The following MDGA2 variants were observed in gnomAD, a reference collection of about 807,000 sequenced individuals.
MDGA2 encodes the protein MAM domain-containing glycosylphosphatidylinositol anchor protein 2.
In MDGA2, 40 loss-of-function variants were observed where a neutral mutation model predicts 117.8. The ratio of observed to expected loss-of-function variants is 0.34; its 90% CI spans 0.26 to 0.44. The LOEUF is 0.44. MDGA2 is among the 20% of genes least tolerant of loss of function. The probability of loss-of-function intolerance (pLI) is 1.00; values close to 1 mark genes in which losing one functional copy is unlikely to be tolerated. For missense variants in MDGA2, 1,123 were observed against 1,250.6 expected (o/e 0.90, Z 1.54); for synonymous variants, 452 against 439.0 (o/e 1.03, Z -0.37).
chr14:47,606,096 A>G (rs1896738593), intron 1 of MDGA2, among the ~76,000 whole-genome samples: 1 of 152,204 alleles, frequency 6.6e-6, no homozygotes, highest in South Asian at 2.1e-4. Context: ...ATTACCTTGC[A>G]TTTTAATTTG....
At chr14:47,110,601 G>C (rs17279312) in intron 5 of MDGA2, among the ~76,000 whole-genome samples, 18,675 of 152,100 alleles carry the variant, frequency 0.12, 1,233 homozygotes, top group Non-Finnish European at 0.15. Context: ...TTATGACTCT[G>C]TAACTTTATT....
At chr14:47,374,792 G>T (rs896783387) in intron 1 of MDGA2, among the ~76,000 whole-genome samples, 1 of 151,976 alleles carries the variant, frequency 6.6e-6, no homozygotes, top group African/African-American at 2.4e-5. Flanking sequence ...TTCCAATCTA[G>T]TATTTGTAAT....
chr14:47,647,716 C>T (rs1053124274), intron 1 of MDGA2, among the ~76,000 whole-genome samples: 3 of 152,136 alleles, frequency 2.0e-5, no homozygotes, highest in Admixed American at 2.0e-4. Context: ...AATATTAATA[C>T]CCTTATGTCC....
At chr14:47,616,491 C>T (rs760703243) in intron 1 of MDGA2, among the ~76,000 whole-genome samples, 1 of 152,174 alleles carries the variant, frequency 6.6e-6, no homozygotes, top group Non-Finnish European at 1.5e-5. Flanking sequence ...GGAGCACGTA[C>T]TTCTTTATCT....
At chr14:46,890,477 G>A (rs975200792) in intron 10 of MDGA2, among the ~76,000 whole-genome samples, 1 of 151,990 alleles carries the variant, frequency 6.6e-6, no homozygotes, top group Non-Finnish European at 1.5e-5. Flanking sequence ...ATTCCCTATA[G>A]TATTTCTTAT....
At chr14:47,398,370 C>G (rs55655942) in intron 1 of MDGA2, among the ~76,000 whole-genome samples, 31,799 of 152,058 alleles carry the variant, frequency 0.21, 3,557 homozygotes, top group South Asian at 0.4. Context: ...GGGTCCTAGT[C>G]CAACTCTACT....
chr14:47,255,560 C>A (rs1462395789), intron 2 of MDGA2, among the ~76,000 whole-genome samples: 2 of 152,168 alleles, frequency 1.3e-5, no homozygotes, highest in Admixed American at 1.3e-4. Context: ...TTTTCCTAGG[C>A]CCTAACTTCT....
At chr14:47,624,831 G>A (rs1248832579) in intron 1 of MDGA2, among the ~76,000 whole-genome samples, 1 of 152,138 alleles carries the variant, frequency 6.6e-6, no homozygotes, top group Non-Finnish European at 1.5e-5. Flanking sequence ...GAAATAAAGA[G>A]ACTGTATGTC....
At chr14:47,322,021 T>C (rs1277172670) in intron 1 of MDGA2, among the ~76,000 whole-genome samples, 1 of 152,178 alleles carries the variant, frequency 6.6e-6, no homozygotes, top group Admixed American at 6.5e-5. Context: ...GAATGGCTCT[T>C]CTTTAAAAAT....
intron 9 of MDGA2, among the ~76,000 whole-genome samples, chr14:46,949,313 G>A (rs888779561): frequency 6.6e-6 from 1 of 151,926 alleles, no homozygotes; most frequent in East Asian, 1.9e-4. Context: ...AGGAGTTCAC[G>A]TAATTTGCTC....
chr14:47,131,339 TTC>T (rs1460830364), intron 5 of MDGA2, among the ~76,000 whole-genome samples: 1 of 152,032 alleles, frequency 6.6e-6, no homozygotes, highest in Non-Finnish European at 1.5e-5. Context: ...AAAAGAAAGT[TTC>T]TTTTACTTAA....
At chr14:47,073,808 T>C (rs1890383935) in intron 6 of MDGA2, among the ~76,000 whole-genome samples, 1 of 152,294 alleles carries the variant, frequency 6.6e-6, no homozygotes, top group Non-Finnish European at 1.5e-5. Context: ...GTGCCAACTT[T>C]TGGTTTTAGC....
intron 1 of MDGA2, among the ~76,000 whole-genome samples, chr14:47,492,730 T>C (rs1023147171): frequency 1.3e-5 from 2 of 152,120 alleles, no homozygotes; most frequent in African/African-American, 4.8e-5. Context: ...TATAGTTCAG[T>C]CTATAATATT....
At chr14:46,919,223 T>TA (rs1395025846) in intron 10 of MDGA2, among the ~76,000 whole-genome samples, 2 of 152,194 alleles carry the variant, frequency 1.3e-5, no homozygotes, top group Non-Finnish European at 2.9e-5. Flanking sequence ...TTTTCTGTGA[T>TA]ACAGTTAAGG....
intron 1 of MDGA2, among the ~76,000 whole-genome samples, chr14:47,588,253 T>G (rs1183874871): frequency 1.1e-5 from 1 of 94,302 alleles, no homozygotes; most frequent in Admixed American, 1.4e-4. Flanking sequence ...TATATATATA[T>G]ATATATATAC....
At chr14:47,356,559 A>C (rs1307487272) in intron 1 of MDGA2, among the ~76,000 whole-genome samples, 2 of 152,152 alleles carry the variant, frequency 1.3e-5, no homozygotes, top group Non-Finnish European at 2.9e-5. Context: ...TACCCTTTGC[A>C]GGGGAACATT....
chr14:47,172,625 C>T lies in MDGA2; in HGVS notation c.596-28351G>A, dbSNP rs528074457. Among the ~76,000 whole-genome samples the T allele has an allele frequency of 4.7e-4, 71 of 152,232 alleles. No homozygotes were observed. In the East Asian group the frequency reaches 9.9e-3, roughly 21 times the overall value. ...AAGGAAAACTAACAAACAGAAAGGA[C>T]ATCCACACCAAAAACCCATCTGTAC... On this transcript the variant is annotated intron_variant, in intron 3 of 16. Coordinates refer to ENST00000399232, the MANE Select transcript of MDGA2 (RefSeq NM_001113498.3).
intron 1 of MDGA2, among the ~76,000 whole-genome samples, chr14:47,308,380 T>C (rs937904448): frequency 6.6e-5 from 10 of 152,176 alleles, no homozygotes. Flanking sequence ...TTTGTACTTC[T>C]AGCACAACTG....
chr14:47,194,936 T>C (rs1314488735), intron 3 of MDGA2, among the ~76,000 whole-genome samples: 1 of 152,066 alleles, frequency 6.6e-6, no homozygotes, highest in Non-Finnish European at 1.5e-5. Context: ...ATTGTTTGTG[T>C]TTTCTGTTGC....
Sources: allele counts gnomAD v4.1 joint callset (sites outside exome capture counted in the v4.1 genomes callset), GRCh38; gene constraint gnomAD v4.1.1; transcripts MANE v1.5; gene names NCBI Gene and HGNC (gene_info 2026-07-23, HGNC 2026-07-21).